KCNT2: variants seen among roughly 807,000 people sequenced by gnomAD.
KCNT2 encodes potassium channel subfamily T member 2.
Under a neutral mutation model 153.8 loss-of-function variants are expected in KCNT2, and 67 were observed. The observed-to-expected ratio is 0.44, with a 90% CI of 0.36 to 0.53. The LOEUF is 0.53. Ranked by LOEUF, KCNT2 falls within the 20% of genes least tolerant of loss-of-function variation. The pLI, the probability that KCNT2 is intolerant of heterozygous loss-of-function variation, is 0.00. For synonymous variants in KCNT2, 500 were observed against 458.8 expected (o/e 1.09, Z -1.15); for missense variants, 975 against 1,354.8 (o/e 0.72, Z 4.40).
rs572660500 is a variant in KCNT2, at chr1:196,453,625, T to C, written c.638+11668A>G. ...ATTAATCTTTCCTTCCTCCACTTCT[T>C]GGTCACTCAACCTCTATAGTCATAT... On this transcript the variant is annotated intron_variant, in intron 8 of 27. Transcript: ENST00000294725. Among the ~76,000 whole-genome samples, 6 of 152,060 alleles carry C rather than the reference T, an allele frequency of 3.9e-5. No homozygotes were observed. The South Asian group carries it at 1.2e-3, about 32-fold the overall frequency.
At chr1:196,285,174 T>C (rs567618725) in intron 23 of KCNT2, among the ~76,000 whole-genome samples, 2 of 152,330 alleles carry the variant, frequency 1.3e-5, no homozygotes, top group African/African-American at 2.4e-5. Flanking sequence ...TTAGTTGTTG[T>C]AGTCTTTTCA....
intron 8 of KCNT2, among the ~76,000 whole-genome samples, chr1:196,454,902 A>C (rs1444116610): frequency 1.3e-5 from 2 of 151,980 alleles, no homozygotes; most frequent in Admixed American, 6.6e-5. Context: ...GCTCACTACT[A>C]GAAGCTCTAG....
rs753746583 is a variant in KCNT2, at chr1:196,608,207, C to G, written c.95+8G>C. On this transcript the variant is annotated splice_region_variant and intron_variant, in intron 1 of 27. Coordinates refer to ENST00000294725, the MANE Select transcript of KCNT2 (RefSeq NM_198503.5). The stretch of plus-strand genomic sequence containing the variant: ...ATTTACAGAACAATCCTCCACCACA[C>G]CACTCACCTGTCGTCGTTTTGCCAT... 1.9e-6 allele frequency: 3 copies of G among 1,613,064 alleles called. No individual in the cohort carries two copies. The highest frequency in any genetic ancestry group is 4.5e-5 in the East Asian group (2 of 44,844).
At position 196,514,683 on chromosome 1, in the gene KCNT2, C is replaced by T. The variant is rs189890993; in HGVS notation, c.96-22342G>A. ...TTTACATATGTGCAGTATTTATATA[C>T]CAATGTACATACTTAAATCACCAGT... On this transcript the variant is annotated intron_variant, in intron 1 of 27. Coordinates refer to ENST00000294725, the MANE Select transcript of KCNT2 (RefSeq NM_198503.5). Among the ~76,000 whole-genome samples the T allele has an allele frequency of 5.3e-5, 8 of 152,116 alleles. No individual in the cohort carries two copies. In the East Asian group the frequency reaches 1.3e-3, roughly 26 times the overall value.
At chr1:196,365,822 A>C (rs541022134) in intron 14 of KCNT2, among the ~76,000 whole-genome samples, 8 of 152,332 alleles carry the variant, frequency 5.3e-5, no homozygotes, top group African/African-American at 1.9e-4. Flanking sequence ...CAATTTTGAC[A>C]CCAAATTAAA....
intron 8 of KCNT2, among the ~76,000 whole-genome samples, chr1:196,438,343 C>T (rs1674915074): frequency 6.6e-6 from 1 of 151,738 alleles, no homozygotes; most frequent in Non-Finnish European, 1.5e-5. Flanking sequence ...GTGTTTATCC[C>T]TCTTTCCTAA....
Position 196,428,136 on chromosome 1 carries a change from A to T in KCNT2, c.953T>A (p.Leu318Ter), listed in dbSNP as rs1432164981. Residue 318 changes from leucine (L) to a stop codon, truncating the protein, a stop_gained, in exon 10 of 28, where the codon TTA becomes TAA. Transcript: ENST00000294725. LOFTEE classifies it high-confidence loss of function. ...CCTAGGATGAGCATAGAATTCATTT[A>T]AAAAATCCATAAGTAAATCAATCTT... is the stretch of plus-strand genomic sequence containing the variant. ...SLKIDLLMDF[L>*]NEFYAHPRLQ... The T allele has an allele frequency of 1.9e-6, 3 of 1,612,562 alleles. No homozygotes were observed. Among genetic ancestry groups the T allele is most frequent in the Non-Finnish European group, 2.5e-6 (3 of 1,179,020 alleles).
At chr1:196,326,069 A>G (rs989535074) in intron 19 of KCNT2, among the ~76,000 whole-genome samples, 7 of 152,106 alleles carry the variant, frequency 4.6e-5, no homozygotes, top group African/African-American at 1.4e-4. Context: ...AGTCACAGAG[A>G]CGGATATTAT....
intron 12 of KCNT2, among the ~76,000 whole-genome samples, chr1:196,417,331 G>T (rs1016996430): frequency 9.2e-5 from 14 of 151,974 alleles, no homozygotes; most frequent in African/African-American, 3.1e-4. Flanking sequence ...TCAAATCAAT[G>T]ATTTTTTCCT....
intron 1 of KCNT2, among the ~76,000 whole-genome samples, chr1:196,525,006 T>C (rs1201629602): frequency 6.6e-6 from 1 of 152,140 alleles, no homozygotes; most frequent in Non-Finnish European, 1.5e-5. Context: ...TGGTGATTTG[T>C]TGTATTTTGG....
intron 1 of KCNT2, among the ~76,000 whole-genome samples, chr1:196,569,667 T>TA (rs971397283): frequency 1.1e-4 from 16 of 151,692 alleles, no homozygotes; most frequent in Admixed American, 2.0e-4. Context: ...TGGAGAGAGC[T>TA]AAAAAAAACC....
intron 26 of KCNT2, among the ~76,000 whole-genome samples, chr1:196,251,829 T>C (rs893169513): frequency 1.8e-4 from 28 of 151,944 alleles, no homozygotes; most frequent in Admixed American, 6.6e-4. Context: ...GTGATTATTA[T>C]GCATTATTTG....
intron 1 of KCNT2, among the ~76,000 whole-genome samples, chr1:196,555,428 G>A (rs1254810902): frequency 3.3e-5 from 5 of 150,940 alleles, no homozygotes; most frequent in African/African-American, 9.7e-5. Context: ...TCAATACATA[G>A]GAATTAATGT....
intron 22 of KCNT2, among the ~76,000 whole-genome samples, chr1:196,295,788 A>G (rs993193721): frequency 1.3e-5 from 2 of 152,048 alleles, no homozygotes; most frequent in East Asian, 1.9e-4. Flanking sequence ...TCATCATTCA[A>G]GAGATTAGTT....
chr1:196,387,548 T>C (rs570503650), intron 13 of KCNT2, among the ~76,000 whole-genome samples: 38 of 152,078 alleles, frequency 2.5e-4, no homozygotes, highest in Non-Finnish European at 4.3e-4. Flanking sequence ...CACTAGAATG[T>C]AAGCTTCAAG....
intron 8 of KCNT2, among the ~76,000 whole-genome samples, chr1:196,442,151 G>A (rs12239616): frequency 0.082 from 12,442 of 151,742 alleles, 1,708 homozygotes; most frequent in African/African-American, 0.28. Flanking sequence ...CTGGATCACC[G>A]ACGGAAAAGC....
intron 12 of KCNT2, among the ~76,000 whole-genome samples, chr1:196,409,952 A>G (rs1672145594): frequency 6.6e-6 from 1 of 151,686 alleles, no homozygotes; most frequent in South Asian, 2.1e-4. Flanking sequence ...CATCACCATC[A>G]ACTCTTTTTA....
At chr1:196,505,026 T>C (rs1422595115) in intron 1 of KCNT2, among the ~76,000 whole-genome samples, 12 of 151,800 alleles carry the variant, frequency 7.9e-5, no homozygotes, top group African/African-American at 1.5e-4. Context: ...TTCTCCCATT[T>C]TGTAGGTTGC....
intron 1 of KCNT2, among the ~76,000 whole-genome samples, chr1:196,570,805 C>G (rs931409917): frequency 1.3e-5 from 2 of 152,014 alleles, no homozygotes; most frequent in Admixed American, 6.6e-5. Flanking sequence ...AAGGTCTGAC[C>G]ACAGAACACA....
Sources: gnomAD v4.1 joint callset for allele counts (sites outside exome capture counted in the v4.1 genomes callset) on GRCh38, gnomAD v4.1.1 for gene constraint, MANE v1.5 for transcripts, NCBI Gene and HGNC (gene_info 2026-07-23, HGNC 2026-07-21) for gene names.